ANO3: variants seen among roughly 807,000 people sequenced by gnomAD.
ANO3 encodes anoctamin-3.
A neutral mutation model predicts 144.8 loss-of-function variants in ANO3; 99 were observed. That is an observed-to-expected ratio of 0.68 (90% CI 0.58 to 0.81). ANO3 has a LOEUF of 0.81. Ranked by LOEUF, ANO3 falls within the 30% of genes least tolerant of loss-of-function variation. The pLI is 0.00. For missense variants in ANO3, 905 were observed against 1,202.2 expected (o/e 0.75, Z 3.66); for synonymous variants, 414 against 392.6 (o/e 1.05, Z -0.64).
At position 26,642,001 on chromosome 11, in the gene ANO3, T is replaced by C; in HGVS notation, c.2247T>C (p.His749=). 2 of 1,613,932 alleles carry C rather than the reference T, an allele frequency of 1.2e-6. No individual in the cohort carries two copies. Among genetic ancestry groups the C allele is most frequent in the South Asian group, 1.1e-5 (1 of 91,054 alleles). The change falls in exon 22 of 27, where the codon CAT becomes CAC. Residue 749 remains histidine (H), a synonymous_variant. Transcript: ENST00000256737. ...NDWNLQPMNL[H]GLMDEYLEMV... ...GGAATCTGCAGCCCATGAACCTTCA[T>C]GGACTGATGGATGAGTACTTAGAAA...
chr11:26,600,443 T>C (rs1390150137), intron 17 of ANO3, among the ~76,000 whole-genome samples: 1 of 31,468 alleles, frequency 3.2e-5, no homozygotes, highest in Non-Finnish European at 5.9e-5. Flanking sequence ...CCCTCCCCTC[T>C]CCTCCCCTCC....
chr11:26,485,325 C>CTGTTTTCATGTTTTCA (rs781375342), intron 4 of ANO3, among the ~76,000 whole-genome samples: 6 of 151,936 alleles, frequency 3.9e-5, no homozygotes, highest in Non-Finnish European at 7.4e-5. Flanking sequence ...TTCTCCCTTG[C>CTGTTTTCATGTTTTCA]TGTTTTCATG....
intron 1 of ANO3, among the ~76,000 whole-genome samples, chr11:26,391,289 A>T (rs1300656478): frequency 1.3e-5 from 2 of 152,082 alleles, no homozygotes; most frequent in Non-Finnish European, 2.9e-5. Flanking sequence ...ACCCACTCTC[A>T]TGATGATTAA....
At chr11:26,380,626 C>T (rs1856564109) in intron 1 of ANO3, among the ~76,000 whole-genome samples, 1 of 152,106 alleles carries the variant, frequency 6.6e-6, no homozygotes, top group African/African-American at 2.4e-5. Context: ...ATCTTAATAC[C>T]ATTGCCTTTG....
chr11:26,361,309 C>G (rs76113607), intron 1 of ANO3, among the ~76,000 whole-genome samples: 2,502 of 152,218 alleles, frequency 0.016, 62 homozygotes, highest in African/African-American at 0.057. Context: ...TTTCAAAAAT[C>G]TGATGTCATT....
At chr11:26,536,047 C>T (rs897996943) in intron 9 of ANO3, among the ~76,000 whole-genome samples, 2 of 151,484 alleles carry the variant, frequency 1.3e-5, no homozygotes, top group Non-Finnish European at 1.5e-5. Context: ...AAGCTGGGTG[C>T]GGTGGCTCAA....
chr11:26,637,043 A>G (rs993939603), intron 20 of ANO3, among the ~76,000 whole-genome samples: 1 of 152,006 alleles, frequency 6.6e-6, no homozygotes, highest in African/African-American at 2.4e-5. Context: ...CTGCACACTC[A>G]CTCATGCCCT....
chr11:26,352,226 C>T (rs1187252882), intron 1 of ANO3, among the ~76,000 whole-genome samples: 3 of 152,152 alleles, frequency 2.0e-5, no homozygotes, highest in Non-Finnish European at 4.4e-5. Context: ...CTCATTTCTT[C>T]CTCAAGTTAC....
intron 17 of ANO3, among the ~76,000 whole-genome samples, chr11:26,602,663 G>A (rs1851833456): frequency 2.0e-5 from 3 of 149,876 alleles, no homozygotes; most frequent in Admixed American, 1.3e-4. Flanking sequence ...GAGGTGGGAG[G>A]GTCAGTTGAG....
intron 23 of ANO3, among the ~76,000 whole-genome samples, chr11:26,645,993 T>G (rs1426844455): frequency 6.6e-6 from 1 of 152,214 alleles, no homozygotes; most frequent in African/African-American, 2.4e-5. Flanking sequence ...TACTGGATTT[T>G]ACTTTGCTCA....
upstream of ANO3, among the ~76,000 whole-genome samples, chr11:26,307,869 G>T (rs1201036654): frequency 5.3e-5 from 8 of 151,922 alleles, no homozygotes; most frequent in East Asian, 1.5e-3. Flanking sequence ...CATCTGCCTA[G>T]GGTTCTGTGA....
At chr11:26,315,035 G>A (rs1052480703) in intron 1 of ANO3, among the ~76,000 whole-genome samples, 6 of 151,200 alleles carry the variant, frequency 4.0e-5, no homozygotes, top group African/African-American at 1.5e-4. Context: ...AAATATTATT[G>A]TTTTTATTTT....
intron 21 of ANO3, among the ~76,000 whole-genome samples, chr11:26,640,791 A>G (rs900596021): frequency 8.5e-5 from 13 of 152,122 alleles, no homozygotes; most frequent in Non-Finnish European, 1.9e-4. Context: ...GCGGGAGTAG[A>G]CCAGCCATTA....
chr11:26,407,593 C>T (rs1011546140), intron 1 of ANO3, among the ~76,000 whole-genome samples: 2 of 151,854 alleles, frequency 1.3e-5, no homozygotes, highest in Admixed American at 6.6e-5. Context: ...CTGAAGCATC[C>T]TATTTATGTC....
chr11:26,424,421 GT>G (rs1857859622), intron 1 of ANO3, among the ~76,000 whole-genome samples: 1 of 151,758 alleles, frequency 6.6e-6, no homozygotes, highest in African/African-American at 2.4e-5. Flanking sequence ...CAATTTATAT[GT>G]ATGCACATAT....
At chr11:26,563,006 C>G in intron 14 of ANO3, 2 of 1,415,412 alleles carry the variant, frequency 1.4e-6, no homozygotes, top group Admixed American at 2.6e-5. Context: ...TTAGTTTGTT[C>G]ATTCATATGA....
intron 1 of ANO3, among the ~76,000 whole-genome samples, chr11:26,234,110 A>G (rs1014286771): frequency 6.6e-6 from 1 of 152,202 alleles, no homozygotes; most frequent in East Asian, 1.9e-4. Context: ...TTAAAATAAA[A>G]AACAAAACAA....
chr11:26,550,978 T>G (rs1222603708), intron 12 of ANO3, among the ~76,000 whole-genome samples: 1 of 151,970 alleles, frequency 6.6e-6, no homozygotes, highest in South Asian at 2.1e-4. Context: ...AGGTGATTTT[T>G]TATTGTAGTT....
At chr11:26,373,570 T>G (rs1273796398) in intron 1 of ANO3, among the ~76,000 whole-genome samples, 1 of 152,188 alleles carries the variant, frequency 6.6e-6, no homozygotes, top group East Asian at 1.9e-4. Context: ...CATCAGGTAA[T>G]AACTTAGATT....
Sources: gnomAD v4.1 joint callset for allele counts (sites outside exome capture counted in the v4.1 genomes callset) on GRCh38, gnomAD v4.1.1 for gene constraint, MANE v1.5 for transcripts, NCBI Gene and HGNC (gene_info 2026-07-23, HGNC 2026-07-21) for gene names.